The following CRYBA4 variants were observed in gnomAD, a reference collection of about 807,000 sequenced individuals.
The protein encoded by CRYBA4 is beta-crystallin A4.
In CRYBA4, 30 loss-of-function variants were observed where a neutral mutation model predicts 31.7. The observed-to-expected ratio is 0.95, with a 90% CI of 0.71 to 1.28. The LOEUF is 1.28. CRYBA4 is among the 50% of genes most tolerant of loss of function. The pLI, the probability that CRYBA4 is intolerant of heterozygous loss-of-function variation, is 0.00. For synonymous variants in CRYBA4, 102 were observed against 102.3 expected (o/e 1.00, Z 0.02); for missense variants, 225 against 260.7 (o/e 0.86, Z 0.94).
At chr22:26,613,413 C>A in the CRYBA4 span, among the ~76,000 whole-genome samples, 1 of 152,162 alleles carries the variant, frequency 6.6e-6, no homozygotes. Context: ...GTCAGGGACC[C>A]CAAACGGAGG....
At chr22:26,596,980 C>T in the CRYBA4 span, among the ~76,000 whole-genome samples, 40 of 152,252 alleles carry the variant, frequency 2.6e-4, 1 homozygote, top group South Asian at 4.1e-3. Flanking sequence ...CTTTTATTCC[C>T]GATTTCTGTC....
rs776802540 is a variant in CRYBA4 at position 26,623,267 on chromosome 22, C to T, written c.73C>T (p.Arg25Trp). Residue 25 changes from arginine (R) to tryptophan (W), a missense_variant, in exon 3 of 6, where the codon CGG becomes TGG. Arg to Trp is a moderately radical substitution (Grantham distance 101). Coordinates refer to ENST00000354760, the MANE Select transcript of CRYBA4 (RefSeq NM_001886.3). ...VVWDEDGFQG[R>W]RHEFTAECPS... ...GTGGGATGAGGACGGCTTCCAGGGC[C>T]GGCGGCACGAGTTCACGGCCGAGTG... The T allele has an allele frequency of 9.9e-6, 16 of 1,613,852 alleles. No homozygotes were observed. The highest frequency in any genetic ancestry group is 6.7e-5 in the Admixed American group (4 of 60,016).
chr22:26,612,177 T>C, the CRYBA4 span: 4 of 1,613,024 alleles, frequency 2.5e-6, no homozygotes, highest in Non-Finnish European at 3.4e-6. Context: ...GTTTTCCAGT[T>C]CGAAGACCAC....
chr22:26,597,627 C>T, the CRYBA4 span, among the ~76,000 whole-genome samples: 2 of 152,108 alleles, frequency 1.3e-5, no homozygotes, highest in Non-Finnish European at 2.9e-5. Flanking sequence ...CCCGACACCC[C>T]GTTCCACCAG....
chr22:26,613,728 T>C, the CRYBA4 span, among the ~76,000 whole-genome samples: 2 of 152,252 alleles, frequency 1.3e-5, no homozygotes, highest in Non-Finnish European at 2.9e-5. Flanking sequence ...CAATATGAAA[T>C]GTGGGCACCT....
the CRYBA4 span, among the ~76,000 whole-genome samples, chr22:26,608,545 A>G: frequency 6.6e-6 from 1 of 152,180 alleles, no homozygotes; most frequent in Non-Finnish European, 1.5e-5. Context: ...ACATAATAAT[A>G]CCACTTTTGT....
At chr22:26,617,499 C>T (rs959351156), upstream of CRYBA4, among the ~76,000 whole-genome samples, 1 of 152,186 alleles carries the variant, frequency 6.6e-6, no homozygotes, top group South Asian at 2.1e-4. Context: ...GGCCAGACAT[C>T]TGGACCACAT....
At chr22:26,619,827 C>T (rs902332061), upstream of CRYBA4, among the ~76,000 whole-genome samples, 1 of 152,230 alleles carries the variant, frequency 6.6e-6, no homozygotes, top group Non-Finnish European at 1.5e-5. Flanking sequence ...CGTGCCCCCC[C>T]TAAAGCCCCA....
At chr22:26,595,511 G>A in the CRYBA4 span, among the ~76,000 whole-genome samples, 13 of 151,370 alleles carry the variant, frequency 8.6e-5, no homozygotes, top group African/African-American at 1.9e-4. Context: ...CCTGGGAGGC[G>A]GAGGTTGCAG....
chr22:26,602,136 G>A, the CRYBA4 span: 74 of 1,359,634 alleles, frequency 5.4e-5, no homozygotes, highest in Non-Finnish European at 7.5e-5. Context: ...AGGCTGCTGG[G>A]GGACTCTCCA....
upstream of CRYBA4, among the ~76,000 whole-genome samples, chr22:26,620,178 T>C (rs926751958): frequency 6.6e-6 from 1 of 152,192 alleles, no homozygotes; most frequent in Non-Finnish European, 1.5e-5. Flanking sequence ...TCTTTACTCA[T>C]GAACCCAGGC....
rs763740615 is a variant in CRYBA4 at position 26,623,278 on chromosome 22, G to A, written c.84G>A (p.Glu28=). Residue 28 remains glutamate, a synonymous_variant, in exon 3 of 6, where the codon GAG becomes GAA. Transcript: ENST00000354760. ...ACGGCTTCCAGGGCCGGCGGCACGA[G>A]TTCACGGCCGAGTGCCCCAGCGTGC... The part of the protein sequence containing the change: ...DEDGFQGRRH[E]FTAECPSVLE... 1 of 1,614,038 alleles carries A rather than the reference G, an allele frequency of 6.2e-7. No individual in the cohort carries two copies. The highest frequency in any genetic ancestry group is 1.7e-5 in the Admixed American group (1 of 60,028).
intron 4 of CRYBA4, among the ~76,000 whole-genome samples, chr22:26,627,646 CTT>C (rs1929792699): frequency 2.1e-5 from 3 of 140,486 alleles, no homozygotes; most frequent in Non-Finnish European, 3.1e-5. Context: ...CTCTCTCTCT[CTT>C]TCTTTCTTTC....
At chr22:26,629,693 C>T (rs922424376) in intron 5 of CRYBA4, among the ~76,000 whole-genome samples, 1 of 137,862 alleles carries the variant, frequency 7.3e-6, no homozygotes, top group Non-Finnish European at 1.5e-5. Flanking sequence ...CGAGGTCATG[C>T]CACGGCACTC....
chr22:26,598,750 T>G, the CRYBA4 span, among the ~76,000 whole-genome samples: 3 of 152,190 alleles, frequency 2.0e-5, no homozygotes, highest in Non-Finnish European at 4.4e-5. Context: ...AGGATTTATT[T>G]ACAAATCAGT....
chr22:26,610,966 C>T, the CRYBA4 span, among the ~76,000 whole-genome samples: 1 of 152,116 alleles, frequency 6.6e-6, no homozygotes, highest in Non-Finnish European at 1.5e-5. Flanking sequence ...CAAGAGCAAA[C>T]GAGCTGCGTG....
At chr22:26,628,911 A>G (rs765616056) in intron 5 of CRYBA4, among the ~76,000 whole-genome samples, 3 of 152,194 alleles carry the variant, frequency 2.0e-5, no homozygotes, top group Non-Finnish European at 4.4e-5. Flanking sequence ...CATCATGCCC[A>G]TAGGAATGGG....
At chr22:26,619,944 CT>C (rs1227455901), upstream of CRYBA4, among the ~76,000 whole-genome samples, 2 of 151,476 alleles carry the variant, frequency 1.3e-5, no homozygotes, top group African/African-American at 4.8e-5. Flanking sequence ...TTCATTATAT[CT>C]TTTTCTTTTT....
chr22:26,622,450 A>C, intron 1 of CRYBA4, 135 bp from the exon 2 acceptor site: 1 of 754,130 alleles, frequency 1.3e-6, no homozygotes, highest in Non-Finnish European at 2.4e-6. Flanking sequence ...GGACAGGCCA[A>C]AGCCATGCAT....
Sources: allele counts gnomAD v4.1 joint callset (sites outside exome capture counted in the v4.1 genomes callset), GRCh38; gene constraint gnomAD v4.1.1; transcripts MANE v1.5; gene names NCBI Gene and HGNC (gene_info 2026-07-23, HGNC 2026-07-21).